Variants in SYT14 observed in about 807,000 individuals in gnomAD.
The protein encoded by SYT14 is synaptotagmin 14.
In SYT14, 32 loss-of-function variants were observed where a neutral mutation model predicts 74.2. That is an observed-to-expected ratio of 0.43 (90% CI 0.33 to 0.58). The LOEUF (loss-of-function observed/expected upper bound fraction) is 0.58, where lower values mean the gene tolerates loss of function less well. SYT14 is among the 20% of genes least tolerant of loss of function. The pLI is 0.05. For synonymous variants in SYT14, 298 were observed against 337.7 expected, an observed-to-expected ratio of 0.88 and a Z score of 1.29; for missense variants, 791 against 981.8, an observed-to-expected ratio of 0.81 and a Z score of 2.60.
chr1:210,135,586 A>T (rs764372493), intron 7 of SYT14, among the ~76,000 whole-genome samples: 6 of 152,066 alleles, frequency 3.9e-5, no homozygotes, highest in Non-Finnish European at 8.8e-5. Flanking sequence ...AGTTTTTATC[A>T]ATTGACTTTT....
intron 1 of SYT14, among the ~76,000 whole-genome samples, chr1:209,946,703 C>G (rs1310004287): frequency 6.6e-6 from 1 of 152,206 alleles, no homozygotes; most frequent in Non-Finnish European, 1.5e-5. Context: ...TCCATAAGAT[C>G]TAGCTGAGAT....
chr1:209,972,606 C>T (rs915725590), intron 2 of SYT14, among the ~76,000 whole-genome samples: 15 of 152,128 alleles, frequency 9.9e-5, no homozygotes, highest in African/African-American at 3.6e-4. Context: ...ATTGTTTACC[C>T]CAAAGTCACT....
intron 2 of SYT14, chr1:209,953,116 CAGAG>C (rs1173634982): frequency 5.6e-5 from 73 of 1,301,160 alleles, no homozygotes; most frequent in Non-Finnish European, 7.0e-5. Context: ...TGTACCCCAT[CAGAG>C]AGATGTGAGG....
chr1:210,016,138 G>T, exon 4 of SYT14: 1 of 1,232,134 alleles, frequency 8.1e-7, no homozygotes, highest in Non-Finnish European at 1.0e-6. Context: ...CAGTTGCTGA[G>T]CAGGTAACAA....
chr1:210,168,510 A>G (rs890563859), exon 10 of SYT14: 1 of 152,252 alleles, frequency 6.6e-6, no homozygotes, highest in Non-Finnish European at 1.5e-5. Flanking sequence ...GATGTGTTTA[A>G]AATGAATTAA....
intron 5 of SYT14, among the ~76,000 whole-genome samples, chr1:210,036,696 T>C (rs2080671661): frequency 6.6e-6 from 1 of 152,090 alleles, no homozygotes; most frequent in African/African-American, 2.4e-5. Flanking sequence ...GATAATATAG[T>C]TTTTGTTTTT....
At chr1:210,030,116 GA>G (rs1181587167) in intron 5 of SYT14, among the ~76,000 whole-genome samples, 1 of 151,630 alleles carries the variant, frequency 6.6e-6, no homozygotes, top group East Asian at 1.9e-4. Context: ...TACTTTGCTG[GA>G]TTTGTTTATT....
chr1:210,068,957 A>T (rs2081344648), intron 5 of SYT14, among the ~76,000 whole-genome samples: 1 of 151,840 alleles, frequency 6.6e-6, no homozygotes, highest in South Asian at 2.1e-4. Flanking sequence ...AGTTGTATCC[A>T]ACACATTTTA....
At chr1:210,007,165 T>C (rs988158477) in intron 2 of SYT14, among the ~76,000 whole-genome samples, 3 of 151,894 alleles carry the variant, frequency 2.0e-5, no homozygotes, top group African/African-American at 4.8e-5. Context: ...TAAATACATA[T>C]ATTTATTTCT....
chr1:210,120,411 G>A (rs566795425), intron 7 of SYT14, among the ~76,000 whole-genome samples: 3 of 150,722 alleles, frequency 2.0e-5, no homozygotes, highest in African/African-American at 7.3e-5. Flanking sequence ...TTAGGCTGGA[G>A]TGCAGTGGCA....
intron 5 of SYT14, among the ~76,000 whole-genome samples, chr1:210,072,893 A>G (rs748642605): frequency 6.6e-6 from 1 of 151,946 alleles, no homozygotes; most frequent in Non-Finnish European, 1.5e-5. Context: ...AACAGGATTC[A>G]GGAAAAGTAG....
intron 5 of SYT14, among the ~76,000 whole-genome samples, chr1:210,040,471 A>G (rs1290897347): frequency 1.3e-5 from 2 of 152,086 alleles, no homozygotes; most frequent in South Asian, 2.1e-4. Flanking sequence ...AACCTATGCA[A>G]CCTTCACGTT....
At chr1:210,162,716 C>A (rs1473857236) in exon 10 of SYT14, 5 of 449,884 alleles carry the variant, frequency 1.1e-5, no homozygotes, top group South Asian at 7.9e-5. Flanking sequence ...TTCAGCTTGG[C>A]TGTACTGAAA....
intron 1 of SYT14, among the ~76,000 whole-genome samples, chr1:209,943,203 A>C (rs1301953215): frequency 6.6e-6 from 1 of 152,216 alleles, no homozygotes; most frequent in Non-Finnish European, 1.5e-5. Flanking sequence ...CATTAGAGAC[A>C]CAGTGGTATT....
chr1:210,029,193 T>G (rs1043142181), intron 5 of SYT14, among the ~76,000 whole-genome samples: 1 of 152,220 alleles, frequency 6.6e-6, no homozygotes, highest in Non-Finnish European at 1.5e-5. Flanking sequence ...ATATATGGTT[T>G]GCAAATATTT....
intron 2 of SYT14, among the ~76,000 whole-genome samples, chr1:210,005,792 T>C (rs2079978788): frequency 6.6e-6 from 1 of 151,982 alleles, no homozygotes; most frequent in Non-Finnish European, 1.5e-5. Context: ...ATATATGAAG[T>C]ACATTAAGTA....
intron 7 of SYT14, among the ~76,000 whole-genome samples, chr1:210,144,711 C>A (rs1159797855): frequency 6.6e-6 from 1 of 151,952 alleles, no homozygotes; most frequent in Non-Finnish European, 1.5e-5. Flanking sequence ...TAATTTATTT[C>A]TATTTAGTTT....
At chr1:209,985,234 A>G (rs529447978) in intron 2 of SYT14, among the ~76,000 whole-genome samples, 1 of 152,362 alleles carries the variant, frequency 6.6e-6, no homozygotes, top group South Asian at 2.1e-4. Flanking sequence ...TTTACTCCCA[A>G]GATACAGTGT....
intron 7 of SYT14, among the ~76,000 whole-genome samples, chr1:210,112,668 T>C (rs1311966877): frequency 6.6e-6 from 1 of 151,328 alleles, no homozygotes. Context: ...CTGATGCCTT[T>C]TGATGGCCCT....
Sources: allele counts gnomAD v4.1 joint callset (sites outside exome capture counted in the v4.1 genomes callset), GRCh38; gene constraint gnomAD v4.1.1; transcripts MANE v1.5; gene names NCBI Gene and HGNC (gene_info 2026-07-23, HGNC 2026-07-21).